Variants in SFMBT1 observed in about 807,000 individuals in gnomAD.
SFMBT1 encodes Scm like with four mbt domains 1.
A neutral mutation model predicts 108.7 loss-of-function variants in SFMBT1; 32 were observed. The ratio of observed to expected loss-of-function variants is 0.29; its 90% confidence interval spans 0.22 to 0.40. The LOEUF (loss-of-function observed/expected upper bound fraction) is 0.40, where lower values mean the gene tolerates loss of function less well. SFMBT1 is among the 10% of genes least tolerant of loss of function. The probability of loss-of-function intolerance (pLI) is 1.00; values close to 1 mark genes in which losing one functional copy is unlikely to be tolerated. For missense variants in SFMBT1, 816 were observed against 1,059.6 expected (o/e 0.77, Z 3.19); for synonymous variants, 348 against 369.5 (o/e 0.94, Z 0.67).
At chr3:52,914,563 AAAAAACAAAAAC>A (rs149411271) in intron 14 of SFMBT1, among the ~76,000 whole-genome samples, 36,681 of 151,482 alleles carry the variant, frequency 0.24, 4,764 homozygotes, top group Admixed American at 0.37. Flanking sequence ...CCATCTCTAC[AAAAAACAAAAAC>A]AAAAACAAAA....
At chr3:52,906,344 G>A (rs1324386381) in intron 19 of SFMBT1, 103 bp from the exon 20 acceptor site, 2 of 1,560,552 alleles carry the variant, frequency 1.3e-6, no homozygotes, top group Admixed American at 3.4e-5. Context: ...ATGATTTAAA[G>A]TGGTCTTAGG....
At position 52,907,618 on chromosome 3, in the gene SFMBT1, A is replaced by G; in HGVS notation, c.2022T>C (p.Val674=). 6.2e-7 allele frequency: 1 copy of G among 1,614,208 alleles called. No individual in the cohort carries two copies. The highest frequency in any genetic ancestry group is 8.5e-7 in the Non-Finnish European group (1 of 1,180,046). Residue 674 remains valine, a synonymous_variant, in exon 18 of 21, where the codon GTT becomes GTC. Transcript: ENST00000394752. ...ASKRRKRRKN[V]FVHKKKRSSA... ...AGGAGCGTTTCTTCTTATGAACAAA[A>G]ACATTTTTCCGCCTCTTTCTCCTCT...
At chr3:53,013,055 G>A (rs1443172095) in intron 1 of SFMBT1, among the ~76,000 whole-genome samples, 1 of 151,638 alleles carries the variant, frequency 6.6e-6, no homozygotes, top group African/African-American at 2.4e-5. Flanking sequence ...ACCATATTTT[G>A]AAAAAGCATC....
At chr3:52,986,749 C>T (rs1251930951) in intron 1 of SFMBT1, among the ~76,000 whole-genome samples, 1 of 128,622 alleles carries the variant, frequency 7.8e-6, no homozygotes, top group Admixed American at 9.2e-5. Context: ...GCACTTTAGC[C>T]TGGTGACAGA....
At chr3:53,039,782 C>T (rs944807506) in intron 1 of SFMBT1, among the ~76,000 whole-genome samples, 1 of 152,126 alleles carries the variant, frequency 6.6e-6, no homozygotes, top group African/African-American at 2.4e-5. Flanking sequence ...CTACAGGTGT[C>T]CGCCACCACA....
chr3:53,034,265 G>A (rs1019394425), intron 1 of SFMBT1, among the ~76,000 whole-genome samples: 1 of 152,056 alleles, frequency 6.6e-6, no homozygotes, highest in African/African-American at 2.4e-5. Context: ...TTTAAGTTAA[G>A]GAATCTTTCC....
intron 2 of SFMBT1, among the ~76,000 whole-genome samples, chr3:52,957,003 G>T (rs145493354): frequency 6.6e-6 from 1 of 151,992 alleles, no homozygotes; most frequent in African/African-American, 2.4e-5. Context: ...AGTGATAAAG[G>T]GTATTCAAAT....
At chr3:53,005,475 G>A (rs1698708041) in intron 1 of SFMBT1, among the ~76,000 whole-genome samples, 1 of 152,164 alleles carries the variant, frequency 6.6e-6, no homozygotes, top group African/African-American at 2.4e-5. Context: ...AGCACATCCT[G>A]CTAATTGTTA....
At chr3:52,938,016 T>C (rs1398392196) in intron 4 of SFMBT1, among the ~76,000 whole-genome samples, 3 of 152,188 alleles carry the variant, frequency 2.0e-5, no homozygotes, top group East Asian at 3.9e-4. Flanking sequence ...CTGAGCCCAC[T>C]CCTTGGTTGT....
chr3:53,012,440 T>C (rs1390438750), intron 1 of SFMBT1, among the ~76,000 whole-genome samples: 1 of 151,662 alleles, frequency 6.6e-6, no homozygotes, highest in Non-Finnish European at 1.5e-5. Flanking sequence ...TCTCGCTCTG[T>C]CGCCCAGGCT....
chr3:53,044,941 C>CG (rs1380352717), intron 1 of SFMBT1: 1 of 152,360 alleles, frequency 6.6e-6, no homozygotes, highest in Non-Finnish European at 1.5e-5. Context: ...CTTAGCATAA[C>CG]GTACATCCTT....
At chr3:52,948,787 G>C (rs138690136) in intron 3 of SFMBT1, among the ~76,000 whole-genome samples, 1 of 148,302 alleles carries the variant, frequency 6.7e-6, no homozygotes, top group Admixed American at 6.7e-5. Context: ...ATGTAGCTAG[G>C]ATTACAGGTG....
At chr3:53,030,284 G>A (rs1042013939) in intron 1 of SFMBT1, among the ~76,000 whole-genome samples, 2 of 151,910 alleles carry the variant, frequency 1.3e-5, no homozygotes, top group East Asian at 3.9e-4. Context: ...TATGGATGCG[G>A]AAATATATGA....
chr3:52,905,032 G>A lies in SFMBT1; in HGVS notation c.*104C>T. ...GTGCAAAGAGAGCAAGCTGATACCT[G>A]CAGGCCCCAGAGCCCCAGGACTATT... On this transcript the variant is annotated 3_prime_UTR_variant, in exon 21 of 21. Transcript: ENST00000394752. 2 of 1,468,452 alleles carry A rather than the reference G, an allele frequency of 1.4e-6. No individual in the cohort carries two copies. Among genetic ancestry groups the A allele is most frequent in the Non-Finnish European group, 1.8e-6 (2 of 1,092,058 alleles). The allele number at this position is 1,468,452 out of a possible 1,614,324, so 91.0% of individuals were successfully genotyped here.
Position 52,905,238 on chromosome 3 carries a change from G to A in SFMBT1, c.2499C>T (p.Pro833=), listed in dbSNP as rs1702037121. The change falls in exon 21 of 21, where the codon CCC becomes CCT. Residue 833 remains proline, a synonymous_variant. Transcript: ENST00000394752. ...DGQALLLLTL[P]TVQECMDLKL... ...TTAAGTCCATGCATTCTTGAACAGT[G>A]GGAAGGGTAAGGAGCAACAGGGCCT... is the stretch of plus-strand genomic sequence containing the variant. 1 of 1,613,770 alleles carries A rather than the reference G, an allele frequency of 6.2e-7. No homozygotes were observed. Among genetic ancestry groups the A allele is most frequent in the African/African-American group, 1.3e-5 (1 of 74,888 alleles).
intron 16 of SFMBT1, among the ~76,000 whole-genome samples, chr3:52,912,335 G>A (rs1375792569): frequency 1.3e-5 from 2 of 151,810 alleles, no homozygotes; most frequent in African/African-American, 4.8e-5. Flanking sequence ...CGTGTGCACC[G>A]TGTCTGGCTA....
intron 4 of SFMBT1, among the ~76,000 whole-genome samples, chr3:52,941,079 A>T (rs1167983983): frequency 6.6e-6 from 1 of 152,228 alleles, no homozygotes; most frequent in Admixed American, 6.5e-5. Context: ...ACTAAATGCA[A>T]TGTGATTCTA....
At chr3:52,951,250 TAG>T (rs1703582933) in intron 3 of SFMBT1, among the ~76,000 whole-genome samples, 1 of 129,760 alleles carries the variant, frequency 7.7e-6, no homozygotes, top group Non-Finnish European at 1.6e-5. Flanking sequence ...CAAGCAAGGA[TAG>T]AGAGGACTGA....
chr3:52,918,474 C>T lies in SFMBT1; in HGVS notation c.1415+10G>A, dbSNP rs368307677. On this transcript the variant is annotated intron_variant, in intron 13 of 20. Transcript: ENST00000394752. ...AACTTGTAAACTGTTCATATTATTACGTTACTTACTGTTTTTCTGGCTGAA... is the reference window on the plus strand; with the variant it reads ...AACTTGTAAACTGTTCATATTATTATGTTACTTACTGTTTTTCTGGCTGAA... The T allele has an allele frequency of 6.2e-5, 97 of 1,558,574 alleles. No homozygotes were observed. The highest frequency in any genetic ancestry group is 1.0e-4 in the Admixed American group (5 of 48,362).
Sources: gnomAD v4.1 joint callset for allele counts (sites outside exome capture counted in the v4.1 genomes callset) on GRCh38, gnomAD v4.1.1 for gene constraint, MANE v1.5 for transcripts, NCBI Gene and HGNC (gene_info 2026-07-23, HGNC 2026-07-21) for gene names.